ARL15: variants seen among roughly 807,000 people sequenced by gnomAD.
The protein encoded by ARL15 is ARF like GTPase 15, also known as ADP-ribosylation factor-like protein 15.
Under a neutral mutation model 25.2 loss-of-function variants are expected in ARL15, and 19 were observed. That is an observed-to-expected ratio of 0.75 (90% CI 0.53 to 1.10). The LOEUF is 1.10. Ranked by LOEUF, ARL15 falls within the 50% of genes least tolerant of loss-of-function variation. The pLI is 0.00. For synonymous variants in ARL15, 94 were observed against 86.8 expected, an observed-to-expected ratio of 1.08 and a Z score of -0.46; for missense variants, 220 against 246.0, an observed-to-expected ratio of 0.89 and a Z score of 0.71.
intron 4 of ARL15, among the ~76,000 whole-genome samples, chr5:53,909,390 G>A (rs1221710398): frequency 6.6e-6 from 1 of 152,116 alleles, no homozygotes; most frequent in African/African-American, 2.4e-5. Flanking sequence ...TATAGTTTTT[G>A]TATTTTAAAA....
chr5:53,914,798 T>C (rs1220245189), intron 4 of ARL15, among the ~76,000 whole-genome samples: 1 of 152,190 alleles, frequency 6.6e-6, no homozygotes, highest in East Asian at 1.9e-4. Flanking sequence ...TTTTTCTTTT[T>C]CTTTCCTTTC....
intron 1 of ARL15, chr5:54,286,394 G>T (rs920403713): frequency 1.3e-5 from 2 of 152,142 alleles, no homozygotes; most frequent in African/African-American, 4.8e-5. Flanking sequence ...ATATGTAAGA[G>T]TTCAATCAGT....
At chr5:54,184,615 CAAAAAA>C (rs5867920) in intron 1 of ARL15, among the ~76,000 whole-genome samples, 1 of 121,640 alleles carries the variant, frequency 8.2e-6, no homozygotes, top group Non-Finnish European at 1.7e-5. Context: ...AGGCTTATAA[CAAAAAA>C]AAAAAAAAAA....
At chr5:54,268,999 C>T (rs1309615493) in intron 1 of ARL15, among the ~76,000 whole-genome samples, 2 of 151,552 alleles carry the variant, frequency 1.3e-5, no homozygotes, top group Non-Finnish European at 2.9e-5. Flanking sequence ...CATATTCTCA[C>T]TCATAGGTGG....
chr5:53,983,036 T>G (rs1280734728), intron 4 of ARL15, among the ~76,000 whole-genome samples: 1 of 152,360 alleles, frequency 6.6e-6, no homozygotes, highest in South Asian at 2.1e-4. Flanking sequence ...AGTTGTTTAT[T>G]TTTTTCTTGT....
intron 4 of ARL15, among the ~76,000 whole-genome samples, chr5:53,895,254 C>T (rs1467744262): frequency 6.6e-6 from 1 of 152,176 alleles, no homozygotes; most frequent in East Asian, 1.9e-4. Context: ...CTTTAGTTCA[C>T]ACTTTAGTGG....
intron 1 of ARL15, among the ~76,000 whole-genome samples, chr5:54,292,976 T>G (rs1228225079): frequency 6.6e-6 from 1 of 152,220 alleles, no homozygotes; most frequent in African/African-American, 2.4e-5. Context: ...AAATTGAATT[T>G]TAATTAGAGA....
chr5:54,239,279 G>A (rs1217617845), intron 1 of ARL15, among the ~76,000 whole-genome samples: 2 of 150,424 alleles, frequency 1.3e-5, no homozygotes, highest in African/African-American at 4.9e-5. Context: ...CCTAGGCATT[G>A]GATTTTAAAA....
rs569218378 is a variant in ARL15, at chr5:53,993,965, G to A, written c.463-107252C>T. Among the ~76,000 whole-genome samples the A allele has an allele frequency of 8.5e-5, 13 of 152,264 alleles. No homozygotes were observed. In the East Asian group the frequency reaches 1.4e-3, roughly 16 times the overall value. On this transcript the variant is annotated intron_variant, in intron 4 of 4. Coordinates refer to ENST00000504924, the MANE Select transcript of ARL15 (RefSeq NM_019087.3). ...CCATTTTAATGGCAGTGTGTCCATT[G>A]TCAAGATATTTGTGGTTCACTATGG...
chr5:53,910,614 A>C, intron 4 of ARL15, among the ~76,000 whole-genome samples: 1 of 38,430 alleles, frequency 2.6e-5, no homozygotes, highest in South Asian at 6.3e-4. Context: ...CCTAGAACTT[A>C]AAGTATAATA....
At chr5:54,303,339 T>C (rs1758660747) in intron 1 of ARL15, among the ~76,000 whole-genome samples, 1 of 152,052 alleles carries the variant, frequency 6.6e-6, no homozygotes, top group Non-Finnish European at 1.5e-5. Flanking sequence ...CTGGGCAACA[T>C]GGTGAAACCC....
At chr5:54,095,392 T>TCCCTTTGTCCCCAAAGA (rs1752255102) in intron 4 of ARL15, among the ~76,000 whole-genome samples, 1 of 152,172 alleles carries the variant, frequency 6.6e-6, no homozygotes, top group Non-Finnish European at 1.5e-5. Flanking sequence ...CTTAAACTCT[T>TCCCTTTGTCCCCAAAGA]CCCTTTGTCC....
intron 4 of ARL15, among the ~76,000 whole-genome samples, chr5:54,029,104 T>C (rs376934232): frequency 6.6e-6 from 1 of 152,096 alleles, no homozygotes; most frequent in South Asian, 2.1e-4. Flanking sequence ...TGCAGGTTCT[T>C]GAGTCAGACT....
At chr5:53,986,009 C>A (rs1296455500) in intron 4 of ARL15, among the ~76,000 whole-genome samples, 2 of 152,188 alleles carry the variant, frequency 1.3e-5, no homozygotes, top group Non-Finnish European at 2.9e-5. Flanking sequence ...GTCTTTGAAT[C>A]TGATCACCAC....
chr5:54,067,885 T>A (rs1751292623), intron 4 of ARL15, among the ~76,000 whole-genome samples: 1 of 152,210 alleles, frequency 6.6e-6, no homozygotes, highest in South Asian at 2.1e-4. Flanking sequence ...ATTCATTCAC[T>A]CACCAAAAAC....
At chr5:54,302,001 C>T (rs554196391) in intron 1 of ARL15, among the ~76,000 whole-genome samples, 20 of 152,308 alleles carry the variant, frequency 1.3e-4, no homozygotes, top group African/African-American at 4.8e-4. Context: ...AGCCAAAGGG[C>T]AGAACACCTA....
intron 4 of ARL15, among the ~76,000 whole-genome samples, chr5:54,005,078 C>T (rs547608964): frequency 2.6e-5 from 4 of 152,078 alleles, no homozygotes; most frequent in African/African-American, 9.7e-5. Context: ...TCTCGCACTC[C>T]TGAGCTGAAG....
chr5:54,286,444 C>G (rs1758181722), intron 1 of ARL15: 1 of 152,184 alleles, frequency 6.6e-6, no homozygotes, highest in African/African-American at 2.4e-5. Flanking sequence ...TAAAAAATAA[C>G]AATCATCATG....
At chr5:54,182,735 T>G (rs918559477) in intron 1 of ARL15, among the ~76,000 whole-genome samples, 5 of 152,280 alleles carry the variant, frequency 3.3e-5, no homozygotes, top group African/African-American at 1.2e-4. Context: ...TAAATTACCT[T>G]GGGCAGTATG....
Sources: gnomAD v4.1 joint callset for allele counts (sites outside exome capture counted in the v4.1 genomes callset) on GRCh38, gnomAD v4.1.1 for gene constraint, MANE v1.5 for transcripts, NCBI Gene and HGNC (gene_info 2026-07-23, HGNC 2026-07-21) for gene names.